Variants in FHOD3 observed in about 807,000 individuals in gnomAD.
The protein encoded by FHOD3 is formin homology 2 domain containing 3.
Under a neutral mutation model 173.0 loss-of-function variants are expected in FHOD3, and 90 were observed. The ratio of observed to expected loss-of-function variants is 0.52; its 90% CI spans 0.44 to 0.62. The LOEUF is 0.62. FHOD3 is among the 20% of genes least tolerant of loss of function. The pLI, the probability that FHOD3 is intolerant of heterozygous loss-of-function variation, is 0.00. For synonymous variants in FHOD3, 828 were observed against 823.0 expected, an observed-to-expected ratio of 1.01 and a Z score of -0.10; for missense variants, 1,945 against 2,034.7, an observed-to-expected ratio of 0.96 and a Z score of 0.85.
chr18:36,422,771 G>A lies in FHOD3; in HGVS notation c.337+50027G>A, dbSNP rs779468002. 5.3e-5 allele frequency among the ~76,000 whole-genome samples: 8 copies of A among 152,262 alleles called. No individual in the cohort carries two copies. The East Asian group carries it at 5.8e-4, about 11-fold the overall frequency. On this transcript the variant is annotated intron_variant, in intron 3 of 28. Transcript: ENST00000590592. ...TGAAAACGTTAATTAGCGTCCTTAA[G>A]TAAACATTTGATAAATTAAATCTGA...
chr18:36,513,613 A>G (rs2055783655), intron 5 of FHOD3, among the ~76,000 whole-genome samples: 1 of 152,164 alleles, frequency 6.6e-6, no homozygotes, highest in South Asian at 2.1e-4. Flanking sequence ...TGAATGAGAC[A>G]AGCAAACTGA....
intron 5 of FHOD3, among the ~76,000 whole-genome samples, chr18:36,538,120 C>T (rs1371480973): frequency 6.6e-6 from 1 of 152,104 alleles, no homozygotes; most frequent in Non-Finnish European, 1.5e-5. Flanking sequence ...AGGAAGTCTC[C>T]AGAGGGGAAA....
At chr18:36,429,822 A>G (rs2050437391) in intron 3 of FHOD3, among the ~76,000 whole-genome samples, 1 of 152,026 alleles carries the variant, frequency 6.6e-6, no homozygotes, top group South Asian at 2.1e-4. Flanking sequence ...GGCACTAGGG[A>G]GGAATCTTGT....
At chr18:36,412,548 C>A (rs193297561) in intron 3 of FHOD3, among the ~76,000 whole-genome samples, 1 of 152,130 alleles carries the variant, frequency 6.6e-6, no homozygotes. Flanking sequence ...AGATATTATG[C>A]GATTTTCCCC....
At chr18:36,501,383 T>G (rs2055023875) in intron 3 of FHOD3, among the ~76,000 whole-genome samples, 1 of 152,110 alleles carries the variant, frequency 6.6e-6, no homozygotes, top group South Asian at 2.1e-4. Context: ...TAGGGAACCC[T>G]AGGGCCTGAG....
intron 3 of FHOD3, among the ~76,000 whole-genome samples, chr18:36,378,377 A>G (rs946577613): frequency 3.1e-4 from 47 of 152,268 alleles, no homozygotes; most frequent in African/African-American, 9.9e-4. Flanking sequence ...AGAACCTCAC[A>G]TCATCTGTTT....
At chr18:36,605,017 T>G (rs898688478) in intron 8 of FHOD3, among the ~76,000 whole-genome samples, 1 of 152,226 alleles carries the variant, frequency 6.6e-6, no homozygotes, top group Non-Finnish European at 1.5e-5. Flanking sequence ...TATCATTTCT[T>G]GATGAACACC....
chr18:36,664,357 G>A (rs192456481), intron 14 of FHOD3, among the ~76,000 whole-genome samples: 6 of 152,278 alleles, frequency 3.9e-5, no homozygotes, highest in African/African-American at 1.2e-4. Flanking sequence ...CTTGGACTGC[G>A]CAGAAGCAGT....
intron 1 of FHOD3, among the ~76,000 whole-genome samples, chr18:36,325,852 T>A (rs7238413): frequency 0.038 from 5,808 of 152,286 alleles, 339 homozygotes; most frequent in African/African-American, 0.13. Flanking sequence ...CTTCAGAATG[T>A]TGTAGAACCT....
At chr18:36,447,630 C>A (rs2051573258) in intron 3 of FHOD3, among the ~76,000 whole-genome samples, 1 of 152,168 alleles carries the variant, frequency 6.6e-6, no homozygotes. Context: ...GAGGCTCCAG[C>A]CTCAGGAAGT....
At chr18:36,426,503 G>A (rs1369486603) in intron 3 of FHOD3, among the ~76,000 whole-genome samples, 1 of 152,186 alleles carries the variant, frequency 6.6e-6, no homozygotes, top group Non-Finnish European at 1.5e-5. Flanking sequence ...AGTGAGCAGA[G>A]CCTGAGGAAT....
At chr18:36,637,454 C>G (rs1399147638) in intron 10 of FHOD3, among the ~76,000 whole-genome samples, 1 of 152,090 alleles carries the variant, frequency 6.6e-6, no homozygotes, top group Non-Finnish European at 1.5e-5. Flanking sequence ...TGGGATTTTA[C>G]CAAGTTGGCC....
chr18:36,625,523 C>T lies in FHOD3; in HGVS notation c.970C>T (p.His324Tyr). The T allele has an allele frequency of 6.9e-7, 1 of 1,439,304 alleles. No individual in the cohort carries two copies. The highest frequency in any genetic ancestry group is 9.2e-7 in the Non-Finnish European group (1 of 1,082,210). 89.2% of individuals were successfully genotyped at this position (1,439,304 alleles called of 1,614,324 possible). The part of the protein sequence containing the change: ...QLNIYEVALR[H>Y]EDGDETTEPP... ...TCTGCTTTTCCAGGTGGCGCTCAGG[C>T]ACGAGGATGGCGATGAGACCACGGA... The change falls in exon 10 of 29, where the codon CAC becomes TAC. Residue 324 changes from histidine (H) to tyrosine (Y), a missense_variant. Coordinates refer to ENST00000590592, the MANE Select transcript of FHOD3 (RefSeq NM_001281740.3).
At chr18:36,409,994 G>T (rs1324858915) in intron 3 of FHOD3, among the ~76,000 whole-genome samples, 1 of 152,232 alleles carries the variant, frequency 6.6e-6, no homozygotes, top group African/African-American at 2.4e-5. Context: ...CCTCCCGGAA[G>T]TAGAAGGGCT....
chr18:36,309,013 C>A (rs1026371384), intron 1 of FHOD3, among the ~76,000 whole-genome samples: 4 of 152,082 alleles, frequency 2.6e-5, no homozygotes, highest in African/African-American at 9.7e-5. Context: ...CCTGCTAGAT[C>A]CTCCAGCAGG....
rs541435875 is a variant in FHOD3, at chr18:36,427,142, A to C, written c.337+54398A>C. On this transcript the variant is annotated intron_variant, in intron 3 of 28. Coordinates refer to ENST00000590592, the MANE Select transcript of FHOD3 (RefSeq NM_001281740.3). ...TTAGAATAATGGAGATCTTATATTT[A>C]AAAGAAAAGCAGTTAGCAAGTTGAA... Among the ~76,000 whole-genome samples, 160 of 152,292 alleles carry C rather than the reference A, an allele frequency of 1.1e-3. 3 individuals carry two copies. The highest frequency in any genetic ancestry group is 9.9e-4 in the Non-Finnish European group (67 of 68,018).
chr18:36,299,780 G>C (rs1308935563), intron 1 of FHOD3, among the ~76,000 whole-genome samples: 2 of 152,136 alleles, frequency 1.3e-5, no homozygotes, highest in East Asian at 3.9e-4. Flanking sequence ...TGGTTCTACA[G>C]AGACCCTTGA....
chr18:36,625,821 C>T, intron 10 of FHOD3, 72 bp downstream of exon 10: 1 of 1,302,520 alleles, frequency 7.7e-7, no homozygotes, highest in South Asian at 1.6e-5. Flanking sequence ...GTGCCTGCCA[C>T]TCTCCCCTCC....
rs148406479 is a variant in FHOD3, at chr18:36,677,396, G to T, written c.1836-4040G>T. 7.3e-3 allele frequency among the ~76,000 whole-genome samples: 1,103 copies of T among 152,030 alleles called. 4 individuals carry two copies. Among genetic ancestry groups the T allele is most frequent in the Middle Eastern group, 0.027 (8 of 292 alleles). ...CAAACTCCTGACCGCAGGTGATCCCGCCTCAGCCTCCCAAAGTGCTGGGAT... is the reference window on the plus strand; with the variant it reads ...CAAACTCCTGACCGCAGGTGATCCCTCCTCAGCCTCCCAAAGTGCTGGGAT... On this transcript the variant is annotated intron_variant, in intron 14 of 28. Coordinates refer to ENST00000590592, the MANE Select transcript of FHOD3 (RefSeq NM_001281740.3).
Sources: gnomAD v4.1 joint callset for allele counts (sites outside exome capture counted in the v4.1 genomes callset) on GRCh38, gnomAD v4.1.1 for gene constraint, MANE v1.5 for transcripts, NCBI Gene and HGNC (gene_info 2026-07-23, HGNC 2026-07-21) for gene names.